Variants in HIVEP1 observed in about 807,000 individuals in gnomAD.
HIVEP1 encodes the protein zinc finger protein 40.
In HIVEP1, 36 loss-of-function variants were observed where a neutral mutation model predicts 180.0. The ratio of observed to expected loss-of-function variants is 0.20; its 90% CI spans 0.15 to 0.26. HIVEP1 has a LOEUF of 0.26. Among genes scored for constraint, HIVEP1 ranks in the 10% least tolerant of loss-of-function variants. The pLI, the probability that HIVEP1 is intolerant of heterozygous loss-of-function variation, is 1.00. For missense variants in HIVEP1, 3,143 were observed against 3,268.7 expected (o/e 0.96, Z 0.94); for synonymous variants, 1,239 against 1,239.0 (o/e 1.00, Z 0.00).
At chr6:12,154,182 C>T (rs1759877994) in intron 7 of HIVEP1, among the ~76,000 whole-genome samples, 1 of 152,210 alleles carries the variant, frequency 6.6e-6, no homozygotes, top group Non-Finnish European at 1.5e-5. Context: ...TAGTCGTCTC[C>T]ATTTCCTTCT....
chr6:12,145,938 A>G (rs1023771619), intron 7 of HIVEP1, among the ~76,000 whole-genome samples: 4 of 152,224 alleles, frequency 2.6e-5, no homozygotes, highest in Non-Finnish European at 4.4e-5. Context: ...CATGTGAAGA[A>G]GGAATATTAG....
At position 12,014,211 on chromosome 6, in the gene HIVEP1, C is replaced by T. The variant is rs527592740; in HGVS notation, c.-103-1315C>T. On this transcript the variant is annotated intron_variant, in intron 1 of 8. Transcript: ENST00000379388. ...TAAGGGGTAAAGCCTGGCTTTGAAC[C>T]CACTCCGGTTTGACACCAAGATAAG... 1.3e-5 allele frequency among the ~76,000 whole-genome samples: 2 copies of T among 152,262 alleles called. 1 individual carries two copies. Among genetic ancestry groups the T allele is most frequent in the South Asian group, 4.1e-4 (2 of 4,828 alleles).
intron 7 of HIVEP1, among the ~76,000 whole-genome samples, chr6:12,148,710 C>T (rs891699563): frequency 2.6e-5 from 4 of 152,214 alleles, no homozygotes; most frequent in Non-Finnish European, 4.4e-5. Flanking sequence ...GTTTTGCCAG[C>T]AGTAAGTTTC....
chr6:12,021,766 A>G (rs1768230504), intron 2 of HIVEP1, among the ~76,000 whole-genome samples: 2 of 152,074 alleles, frequency 1.3e-5, no homozygotes, highest in Admixed American at 6.5e-5. Context: ...CTAGGGTTCA[A>G]GCAATTCTCC....
At chr6:12,087,750 T>C (rs1561926893) in intron 2 of HIVEP1, among the ~76,000 whole-genome samples, 1 of 152,150 alleles carries the variant, frequency 6.6e-6, no homozygotes, top group Non-Finnish European at 1.5e-5. Context: ...TGTGTTTTTT[T>C]CCAGGACTAT....
the HIVEP1 span, among the ~76,000 whole-genome samples, chr6:12,211,635 C>T: frequency 6.6e-6 from 1 of 151,720 alleles, no homozygotes; most frequent in African/African-American, 2.4e-5. Context: ...AAAAATGATG[C>T]ATTTTCACCA....
intron 2 of HIVEP1, among the ~76,000 whole-genome samples, chr6:12,069,224 A>G (rs548889649): frequency 6.6e-6 from 1 of 152,320 alleles, no homozygotes; most frequent in Admixed American, 6.5e-5. Context: ...ATGTTCATTT[A>G]CTGAATACTG....
At position 12,121,681 on chromosome 6, in the gene HIVEP1, A is replaced by G. The variant is rs1460499808; in HGVS notation, c.1886A>G (p.Asn629Ser). ...NENSHQKGDM[N>S]PLEGKQDSHV... ...AATTCCCACCAGAAAGGCGACATGA[A>G]TCCACTGGAAGGAAAGCAAGACTCT... Residue 629 changes from asparagine to serine, a missense_variant, in exon 4 of 9, where the codon AAT becomes AGT. Physicochemically the swap from Asn to Ser is conservative, Grantham distance 46. This residue lies in a region of HIVEP1 where 365 missense variants were observed against 344.4 expected (regional missense o/e 1.06). Coordinates refer to ENST00000379388, the MANE Select transcript of HIVEP1 (RefSeq NM_002114.4). This position sits in a 1 kb window ranked among gnomAD's most constrained non-coding sequence, Gnocchi z 5.3. 3 of 1,614,216 alleles carry G rather than the reference A, an allele frequency of 1.9e-6. No individual in the cohort carries two copies. Among genetic ancestry groups the G allele is most frequent in the Admixed American group, 1.7e-5 (1 of 60,034 alleles).
intron 6 of HIVEP1, among the ~76,000 whole-genome samples, chr6:12,131,349 C>T (rs531174995): frequency 6.6e-6 from 1 of 151,946 alleles, no homozygotes; most frequent in South Asian, 2.1e-4. Flanking sequence ...AAAATAATAA[C>T]TACAGTAAAC....
At chr6:12,049,554 C>T (rs1414195231) in intron 2 of HIVEP1, among the ~76,000 whole-genome samples, 1 of 152,164 alleles carries the variant, frequency 6.6e-6, no homozygotes, top group Non-Finnish European at 1.5e-5. Context: ...AAGGAGGGCT[C>T]TTAGATATTT....
chr6:12,076,823 G>A (rs1327056303), intron 2 of HIVEP1, among the ~76,000 whole-genome samples: 1 of 152,138 alleles, frequency 6.6e-6, no homozygotes, highest in African/African-American at 2.4e-5. Context: ...GGTAGTGAGT[G>A]AATTTGTCTG....
At chr6:12,177,176 G>T in the HIVEP1 span, among the ~76,000 whole-genome samples, 1 of 140,942 alleles carries the variant, frequency 7.1e-6, no homozygotes, top group Non-Finnish European at 1.6e-5. Flanking sequence ...GGTGGAGGGT[G>T]GGAGGAGGGA....
At chr6:12,205,591 G>A in the HIVEP1 span, among the ~76,000 whole-genome samples, 2 of 152,180 alleles carry the variant, frequency 1.3e-5, no homozygotes, top group South Asian at 4.1e-4. Context: ...TTTCTTGCTA[G>A]TTGTGTGACT....
chr6:12,044,783 G>A (rs1364091118), intron 2 of HIVEP1, among the ~76,000 whole-genome samples: 15 of 151,190 alleles, frequency 9.9e-5, no homozygotes, highest in African/African-American at 3.7e-4. Context: ...CCTGTGTACA[G>A]CTGAGGGCTC....
chr6:12,020,406 C>G, intron 2 of HIVEP1: 1 of 471,146 alleles, frequency 2.1e-6, no homozygotes. Context: ...GGTGGCTCTT[C>G]CGCATGGTCT....
At chr6:12,101,054 A>G (rs1042580439) in intron 3 of HIVEP1, among the ~76,000 whole-genome samples, 6 of 152,186 alleles carry the variant, frequency 3.9e-5, no homozygotes, top group East Asian at 1.9e-4. Context: ...TTTTGTACAA[A>G]CCATACTGTA....
intron 7 of HIVEP1, among the ~76,000 whole-genome samples, chr6:12,151,007 C>T (rs1304301894): frequency 6.6e-6 from 1 of 152,156 alleles, no homozygotes; most frequent in African/African-American, 2.4e-5. Flanking sequence ...TTTGCGACTC[C>T]GACTCTTCCA....
At chr6:12,192,501 G>A in the HIVEP1 span, among the ~76,000 whole-genome samples, 38 of 152,232 alleles carry the variant, frequency 2.5e-4, no homozygotes, top group Non-Finnish European at 4.3e-4. Context: ...CCAGTGTTGC[G>A]GGAGGGACCT....
At chr6:12,103,207 AATAATAAT>A in intron 3 of HIVEP1, among the ~76,000 whole-genome samples, 1 of 151,342 alleles carries the variant, frequency 6.6e-6, no homozygotes, top group South Asian at 2.1e-4. Context: ...TAATAATAAT[AATAATAAT>A]ATCAACAGAA....
Sources: gnomAD v4.1 joint callset for allele counts (sites outside exome capture counted in the v4.1 genomes callset) on GRCh38, gnomAD v4.1.1 for gene constraint, gnomAD v4.1.1 regional missense constraint, Gnocchi (gnomAD v3.1) non-coding constraint, MANE v1.5 for transcripts, NCBI Gene and HGNC (gene_info 2026-07-23, HGNC 2026-07-21) for gene names.